PRKCE: variants seen among roughly 807,000 people sequenced by gnomAD.
PRKCE encodes the protein protein kinase C epsilon type.
PRKCE carries 16 observed loss-of-function variants against 85.4 expected under a neutral mutation model. That is an observed-to-expected ratio of 0.19 (90% CI 0.13 to 0.28). The LOEUF (loss-of-function observed/expected upper bound fraction) is 0.28. Ranked by LOEUF, PRKCE falls within the 10% of genes least tolerant of loss-of-function variation. The probability of loss-of-function intolerance (pLI) is 1.00; values close to 1 mark genes in which losing one functional copy is unlikely to be tolerated. For missense variants in PRKCE, 573 were observed against 975.2 expected, an observed-to-expected ratio of 0.59 and a Z score of 5.49; for synonymous variants, 388 against 371.5, an observed-to-expected ratio of 1.04 and a Z score of -0.51.
At chr2:45,843,394 A>G (rs930638208) in intron 2 of PRKCE, among the ~76,000 whole-genome samples, 2 of 152,230 alleles carry the variant, frequency 1.3e-5, no homozygotes, top group South Asian at 4.1e-4. Context: ...TGTGGTGGGA[A>G]GGAAGTAAAA....
intron 2 of PRKCE, among the ~76,000 whole-genome samples, chr2:45,875,651 G>T (rs1200023474): frequency 6.6e-6 from 1 of 152,216 alleles, no homozygotes; most frequent in Non-Finnish European, 1.5e-5. Context: ...CCAGTTGGGG[G>T]TAAAATGTAA....
chr2:46,045,836 C>G (rs192665310), intron 10 of PRKCE, among the ~76,000 whole-genome samples: 251 of 151,792 alleles, frequency 1.7e-3, no homozygotes, highest in African/African-American at 5.9e-3. Flanking sequence ...GAGCCGAGAT[C>G]ATACCACTGC....
chr2:45,976,494 G>A lies in PRKCE; in HGVS notation c.478G>A (p.Val160Ile), dbSNP rs1414785255. ...RMRPRKRQGA[V>I]RRRVHQVNGH... Reference sequence around the variant, plus strand: ...GCGGCCGAGGAAGCGGCAGGGGGCCGTCAGGCGCAGGGTCCATCAGGTCAA... The same window carrying A: ...GCGGCCGAGGAAGCGGCAGGGGGCCATCAGGCGCAGGGTCCATCAGGTCAA... The change falls in exon 3 of 15, where the codon GTC (valine) becomes ATC (isoleucine). Residue 160 changes from valine (V) to isoleucine (I), a missense_variant. Transcript: ENST00000306156. 1.9e-6 allele frequency: 3 copies of A among 1,599,754 alleles called. No homozygotes were observed. Among genetic ancestry groups the A allele is most frequent in the Admixed American group, 1.7e-5 (1 of 60,004 alleles).
chr2:46,024,638 GT>G (rs933141900), intron 10 of PRKCE, among the ~76,000 whole-genome samples: 13 of 152,314 alleles, frequency 8.5e-5, no homozygotes, highest in African/African-American at 2.9e-4. Context: ...GGCCTGAGAA[GT>G]TTGTGGCCTT....
intron 2 of PRKCE, among the ~76,000 whole-genome samples, chr2:45,970,282 CTG>C (rs1702021989): frequency 6.6e-6 from 1 of 152,108 alleles, no homozygotes; most frequent in South Asian, 2.1e-4. Flanking sequence ...TATGCCAAAA[CTG>C]TTTTGCTTTG....
chr2:46,182,048 T>C (rs1315880632), intron 14 of PRKCE, among the ~76,000 whole-genome samples: 2 of 152,154 alleles, frequency 1.3e-5, no homozygotes, highest in African/African-American at 4.8e-5. Flanking sequence ...TCCTTGACTC[T>C]CTTTTTCTCC....
intron 2 of PRKCE, among the ~76,000 whole-genome samples, chr2:45,953,404 A>G (rs1324317436): frequency 3.9e-5 from 6 of 152,178 alleles, no homozygotes; most frequent in Non-Finnish European, 7.3e-5. Context: ...ACGCTTTTCA[A>G]TTTGGATAGA....
At chr2:45,731,617 A>AT (rs11329717) in intron 1 of PRKCE, among the ~76,000 whole-genome samples, 2,832 of 108,482 alleles carry the variant, frequency 0.026, 39 homozygotes, top group Non-Finnish European at 0.037. Flanking sequence ...AATTCCTGGA[A>AT]TTTTTTTTTT....
intron 2 of PRKCE, among the ~76,000 whole-genome samples, chr2:45,969,236 C>T (rs1701942912): frequency 6.6e-6 from 1 of 151,832 alleles, no homozygotes; most frequent in African/African-American, 2.4e-5. Flanking sequence ...GCCAAGTTCT[C>T]CATTTCCATA....
At position 46,184,992 on chromosome 2, in the gene PRKCE, G is replaced by T. The variant is rs1680351347; in HGVS notation, c.*111G>T. On this transcript the variant is annotated 3_prime_UTR_variant, in exon 15 of 15. Coordinates refer to ENST00000306156, the MANE Select transcript of PRKCE (RefSeq NM_005400.3). This position sits in a 1 kb window ranked among gnomAD's most constrained non-coding sequence, Gnocchi z 5.0. ...ACTACTTCTCCTCCTCGGAGCCCCA[G>T]TCCCATGTCCACTGTCTATTTATTG... 3.6e-6 allele frequency: 5 copies of T among 1,399,530 alleles called. No individual in the cohort carries two copies. The highest frequency in any genetic ancestry group is 2.0e-5 in the Admixed American group (1 of 50,504). 86.7% of individuals were successfully genotyped at this position (1,399,530 alleles called of 1,614,324 possible). A position where few individuals can be genotyped will look rare whatever the true frequency, so the allele number is the denominator to read the frequency against.
At chr2:46,109,960 A>G (rs1362941635) in intron 11 of PRKCE, among the ~76,000 whole-genome samples, 1 of 152,118 alleles carries the variant, frequency 6.6e-6, no homozygotes, top group Non-Finnish European at 1.5e-5. Context: ...GATATGATCA[A>G]ATGATTTTTC....
chr2:45,684,655 T>G (rs1677155530), intron 1 of PRKCE, among the ~76,000 whole-genome samples: 1 of 152,252 alleles, frequency 6.6e-6, no homozygotes, highest in African/African-American at 2.4e-5. Context: ...TCTGGTTTCC[T>G]GCATCTGGGC....
intron 1 of PRKCE, among the ~76,000 whole-genome samples, chr2:45,799,083 G>A (rs1687659462): frequency 6.6e-6 from 1 of 151,374 alleles, no homozygotes; most frequent in South Asian, 2.1e-4. Context: ...AGAGAATGGC[G>A]TGAACCAGGG....
chr2:46,072,367 G>A (rs756626772), intron 10 of PRKCE, among the ~76,000 whole-genome samples: 2 of 152,204 alleles, frequency 1.3e-5, no homozygotes, highest in Non-Finnish European at 2.9e-5. Context: ...CTTTATTAAA[G>A]CAGTCAGAAC....
At chr2:46,168,993 A>C in intron 14 of PRKCE, among the ~76,000 whole-genome samples, 1 of 152,186 alleles carries the variant, frequency 6.6e-6, no homozygotes, top group South Asian at 2.1e-4. Context: ...TGTGTATTGA[A>C]GTGAAGGCAG....
At chr2:45,858,627 G>A (rs1228992550) in intron 2 of PRKCE, among the ~76,000 whole-genome samples, 3 of 152,112 alleles carry the variant, frequency 2.0e-5, no homozygotes, top group Non-Finnish European at 4.4e-5. Flanking sequence ...ATGGGGGAAA[G>A]ATTTTGTAAA....
chr2:45,731,100 C>T (rs1467869028), intron 1 of PRKCE, among the ~76,000 whole-genome samples: 3 of 152,124 alleles, frequency 2.0e-5, no homozygotes, highest in Non-Finnish European at 4.4e-5. Context: ...AAAGTGGCTA[C>T]TGTGGACAGT....
At position 46,159,800 on chromosome 2, in the gene PRKCE, A is replaced by C. The variant is rs372044206; in HGVS notation, c.2067+48A>C. On this transcript the variant is annotated intron_variant, in intron 14 of 14. Coordinates refer to ENST00000306156, the MANE Select transcript of PRKCE (RefSeq NM_005400.3). This position sits in a 1 kb window ranked among gnomAD's most constrained non-coding sequence, Gnocchi z 4.1. The stretch of plus-strand genomic sequence containing the variant: ...TCAGCACCATGGGTCGGGCCCAGGT[A>C]CTTGCAGGACAGGCTGCGTGCACCC... 1 of 1,591,458 alleles carries C rather than the reference A, an allele frequency of 6.3e-7. No homozygotes were observed. Among genetic ancestry groups the C allele is most frequent in the Non-Finnish European group, 8.5e-7 (1 of 1,177,026 alleles).
intron 9 of PRKCE, among the ~76,000 whole-genome samples, chr2:46,008,784 C>G (rs1183421386): frequency 2.0e-5 from 3 of 152,156 alleles, no homozygotes; most frequent in African/African-American, 7.2e-5. Flanking sequence ...GGGACCTGAA[C>G]AGGATGTGGT....
Sources: allele counts gnomAD v4.1 joint callset (sites outside exome capture counted in the v4.1 genomes callset), GRCh38; gene constraint gnomAD v4.1.1; non-coding constraint Gnocchi (gnomAD v3.1); transcripts MANE v1.5; gene names NCBI Gene and HGNC (gene_info 2026-07-23, HGNC 2026-07-21).